The following GRM8 variants were observed in gnomAD, a reference collection of about 807,000 sequenced individuals.
GRM8 encodes the protein glutamate metabotropic receptor 8, also known as metabotropic glutamate receptor 8.
A neutral mutation model predicts 87.2 loss-of-function variants in GRM8; 47 were observed. The ratio of observed to expected loss-of-function variants is 0.54; its 90% CI spans 0.43 to 0.69. The LOEUF is 0.69. Ranked by LOEUF, GRM8 falls within the 30% of genes least tolerant of loss-of-function variation. The probability of loss-of-function intolerance (pLI) is 0.00; values close to 1 mark genes in which losing one functional copy is unlikely to be tolerated. For synonymous variants in GRM8, 396 were observed against 404.5 expected (o/e 0.98, Z 0.25); for missense variants, 1,019 against 1,139.2 (o/e 0.89, Z 1.52).
intron 6 of GRM8, among the ~76,000 whole-genome samples, chr7:126,867,518 C>A (rs2130869009): frequency 6.6e-6 from 1 of 152,234 alleles, no homozygotes; most frequent in East Asian, 1.9e-4. Context: ...GAAGAAAAAG[C>A]AGAGGTGCTT....
At chr7:126,602,500 T>C (rs1274558981) in intron 8 of GRM8, among the ~76,000 whole-genome samples, 3 of 139,362 alleles carry the variant, frequency 2.2e-5, no homozygotes, top group Non-Finnish European at 4.8e-5. Flanking sequence ...GGGGATGGCA[T>C]TGAATCTGTA....
chr7:126,959,475 G>T (rs1809080852), intron 3 of GRM8, among the ~76,000 whole-genome samples: 1 of 152,152 alleles, frequency 6.6e-6, no homozygotes, highest in Admixed American at 6.5e-5. Flanking sequence ...ACAGGGTTTA[G>T]AAGTCATGGA....
chr7:127,065,077 T>C (rs1008328638), intron 3 of GRM8, among the ~76,000 whole-genome samples: 5 of 152,196 alleles, frequency 3.3e-5, no homozygotes, highest in Admixed American at 1.3e-4. Context: ...ATAAATTTCA[T>C]TGCAGCACTA....
intron 9 of GRM8, among the ~76,000 whole-genome samples, chr7:126,517,020 G>T (rs573735918): frequency 6.6e-6 from 1 of 151,858 alleles, no homozygotes; most frequent in Non-Finnish European, 1.5e-5. Context: ...TCATATTACG[G>T]TCATAAAAAT....
At chr7:126,966,355 G>C (rs1809862094) in intron 3 of GRM8, among the ~76,000 whole-genome samples, 1 of 152,018 alleles carries the variant, frequency 6.6e-6, no homozygotes, top group African/African-American at 2.4e-5. Flanking sequence ...GGCTGGTCTA[G>C]AACTCATAAG....
chr7:127,083,770 G>A (rs761614682), intron 3 of GRM8, among the ~76,000 whole-genome samples: 25 of 152,000 alleles, frequency 1.6e-4, no homozygotes, highest in African/African-American at 5.1e-4. Context: ...CCCCAAAATC[G>A]GCTCAAACAC....
At chr7:127,213,895 T>C (rs988556840) in intron 2 of GRM8, among the ~76,000 whole-genome samples, 1 of 152,222 alleles carries the variant, frequency 6.6e-6, no homozygotes, top group East Asian at 1.9e-4. Context: ...CCAGCAATTC[T>C]ACTCCTAGGA....
intron 2 of GRM8, among the ~76,000 whole-genome samples, chr7:127,160,231 T>C (rs1793012101): frequency 6.6e-6 from 1 of 151,872 alleles, no homozygotes; most frequent in Non-Finnish European, 1.5e-5. Context: ...AAAAGGAGGG[T>C]GTTTGATTAG....
intron 2 of GRM8, among the ~76,000 whole-genome samples, chr7:127,153,396 C>A (rs1199047833): frequency 6.6e-6 from 1 of 152,108 alleles, no homozygotes; most frequent in Non-Finnish European, 1.5e-5. Context: ...CAAATCCAGA[C>A]CACAGCCGAA....
chr7:126,818,937 C>T (rs989726317), intron 6 of GRM8, among the ~76,000 whole-genome samples: 6 of 152,068 alleles, frequency 3.9e-5, no homozygotes, highest in African/African-American at 1.4e-4. Context: ...GGATTCCTTC[C>T]AAATCCAATT....
At chr7:126,687,621 T>C (rs1426163265) in intron 7 of GRM8, among the ~76,000 whole-genome samples, 3 of 150,918 alleles carry the variant, frequency 2.0e-5, no homozygotes, top group Non-Finnish European at 4.4e-5. Flanking sequence ...AAGAATGGAA[T>C]TGGTAGATCA....
chr7:127,221,349 C>G (rs2116716267), intron 2 of GRM8, among the ~76,000 whole-genome samples: 1 of 152,282 alleles, frequency 6.6e-6, no homozygotes, highest in East Asian at 1.9e-4. Context: ...TGAGCCCTGC[C>G]CAGTATTCCT....
chr7:127,050,405 T>C (rs961019864), intron 3 of GRM8, among the ~76,000 whole-genome samples: 1 of 152,194 alleles, frequency 6.6e-6, no homozygotes, highest in African/African-American at 2.4e-5. Flanking sequence ...AAGTGTGTTT[T>C]AGAGGTAGAG....
intron 7 of GRM8, among the ~76,000 whole-genome samples, chr7:126,671,046 GT>G (rs2151305825): frequency 6.6e-6 from 1 of 152,290 alleles, no homozygotes; most frequent in Admixed American, 6.5e-5. Context: ...TTTTACCAGG[GT>G]TTTGACTGGA....
At chr7:127,244,201 C>CAG (rs1798463082) in intron 1 of GRM8, among the ~76,000 whole-genome samples, 1 of 152,168 alleles carries the variant, frequency 6.6e-6, no homozygotes, top group Non-Finnish European at 1.5e-5. Context: ...TTACCATTGT[C>CAG]AGGGTTTCCA....
At chr7:126,803,312 T>G (rs2151714429) in intron 6 of GRM8, among the ~76,000 whole-genome samples, 1 of 152,330 alleles carries the variant, frequency 6.6e-6, no homozygotes, top group Admixed American at 6.5e-5. Context: ...GGGCACAGAC[T>G]GCGGGTAGCT....
chr7:126,980,092 T>G (rs191664635), intron 3 of GRM8, among the ~76,000 whole-genome samples: 13 of 152,334 alleles, frequency 8.5e-5, no homozygotes, highest in Admixed American at 8.5e-4. Context: ...TCCATTTTGT[T>G]CTCAATTTGG....
chr7:126,835,086 T>A (rs377065563), intron 6 of GRM8, among the ~76,000 whole-genome samples: 82 of 137,224 alleles, frequency 6.0e-4, no homozygotes, highest in African/African-American at 7.1e-4. Flanking sequence ...AAAAAAAAAA[T>A]AAAAAAAAAA....
intron 6 of GRM8, among the ~76,000 whole-genome samples, chr7:126,897,140 T>C (rs2896378): frequency 6.6e-6 from 1 of 152,172 alleles, no homozygotes; most frequent in Admixed American, 6.6e-5. Context: ...GAGCTATTTA[T>C]AATTCGTGAT....
Sources: allele counts gnomAD v4.1 joint callset (sites outside exome capture counted in the v4.1 genomes callset), GRCh38; gene constraint gnomAD v4.1.1; transcripts MANE v1.5; gene names NCBI Gene and HGNC (gene_info 2026-07-23, HGNC 2026-07-21).